The following DNAJB4 variants were observed in gnomAD, a reference collection of about 807,000 sequenced individuals.
DNAJB4 encodes dnaJ homolog subfamily B member 4.
DNAJB4 carries 10 observed loss-of-function variants against 26.6 expected under a neutral mutation model. The observed-to-expected ratio is 0.38, with a 90% CI of 0.23 to 0.64. DNAJB4 has a LOEUF of 0.64. DNAJB4 is among the 30% of genes least tolerant of loss of function. The pLI is 0.58. For missense variants in DNAJB4, 328 were observed against 408.2 expected (o/e 0.80, Z 1.69); for synonymous variants, 136 against 134.8 (o/e 1.01, Z -0.06).
chr1:78,003,323 A>T (rs1244125143), upstream of DNAJB4, among the ~76,000 whole-genome samples: 2 of 151,892 alleles, frequency 1.3e-5, no homozygotes, highest in African/African-American at 2.4e-5. Context: ...GGCTAAAAAA[A>T]TTGATAAATA....
chr1:77,999,130 A>G (rs1272780847), intron 1 of DNAJB4, among the ~76,000 whole-genome samples: 2 of 152,234 alleles, frequency 1.3e-5, no homozygotes, highest in Non-Finnish European at 1.5e-5. Context: ...GAGGTAAGAT[A>G]TAGTCCGTTA....
intron 1 of DNAJB4, among the ~76,000 whole-genome samples, chr1:77,994,676 A>G (rs1660020226): frequency 6.6e-6 from 1 of 151,922 alleles, no homozygotes. Context: ...GAGAAGAGAC[A>G]TTTTAGAAAA....
intron 1 of DNAJB4, among the ~76,000 whole-genome samples, chr1:77,993,956 A>G (rs1660001070): frequency 6.6e-6 from 1 of 152,176 alleles, no homozygotes; most frequent in Non-Finnish European, 1.5e-5. Flanking sequence ...TATTTATATA[A>G]ATGTTCTAAT....
Position 78,005,365 on chromosome 1 carries a change from CTTT to C in DNAJB4, c.211+54_211+56del, listed in dbSNP as rs72506830. 2.6e-5 allele frequency: 31 copies of C among 1,174,880 alleles called. No individual in the cohort carries two copies. The African/African-American group carries it at 4.9e-4, about 19-fold the overall frequency. The allele number at this position is 1,174,880 out of a possible 1,614,324, so 72.8% of individuals were successfully genotyped here. On this transcript the variant is annotated intron_variant, in intron 1 of 2. Coordinates refer to ENST00000370763, the MANE Select transcript of DNAJB4 (RefSeq NM_007034.5). Reference sequence around the variant, plus strand: ...TCTTTCTGTCTCTTCAGCTCTGTCTCTTTTTTTTTTTTCTCTCTCTCTGCCAGC... The same window carrying C: ...TCTTTCTGTCTCTTCAGCTCTGTCTCTTTTTTTTTCTCTCTCTCTGCCAGC...
upstream of DNAJB4, among the ~76,000 whole-genome samples, chr1:78,003,342 AC>A (rs145341974): frequency 0.027 from 4,115 of 152,046 alleles, 143 homozygotes; most frequent in African/African-American, 0.094. Flanking sequence ...TAGCTGACAA[AC>A]CTCTGTAACC....
At position 78,017,817 on chromosome 1, in the gene DNAJB4, G is replaced by A. The variant is rs1165919626; in HGVS notation, c.*1570G>A. On this transcript the variant is annotated 3_prime_UTR_variant, in exon 3 of 3. Transcript: ENST00000370763. ...CTTTCATTTAGCTTAATGTTTTCAA[G>A]GTTCATCTATGTTGTATCACGTATC... is the stretch of plus-strand genomic sequence containing the variant. The A allele has an allele frequency of 6.9e-6, 1 of 143,928 alleles. No individual in the cohort carries two copies. The highest frequency in any genetic ancestry group is 2.6e-5 in the African/African-American group (1 of 38,936). The allele number at this position is 143,928 out of a possible 1,614,324, so 8.9% of individuals were successfully genotyped here.
Position 78,013,579 on chromosome 1 carries a change from G to T in DNAJB4, c.740G>T (p.Gly247Val), listed in dbSNP as rs1266370447. The change falls in exon 2 of 3, where the codon GGA (glycine) becomes GTA (valine). Residue 247 changes from glycine to valine, a missense_variant. Coordinates refer to ENST00000370763, the MANE Select transcript of DNAJB4 (RefSeq NM_007034.5). ...GATCATCCAAAATTTAAAAGGGATG[G>T]ATCAAATATAATTTATACTGCTAAA... Reference protein sequence around the residue: ...DKDHPKFKRDGSNIIYTAKIS... With the variant: ...DKDHPKFKRDVSNIIYTAKIS... 6.2e-7 allele frequency: 1 copy of T among 1,605,178 alleles called. No individual in the cohort carries two copies. Among genetic ancestry groups the T allele is most frequent in the Non-Finnish European group, 8.5e-7 (1 of 1,178,398 alleles).
At chr1:78,006,121 C>T (rs1228560056) in intron 1 of DNAJB4, among the ~76,000 whole-genome samples, 3 of 152,286 alleles carry the variant, frequency 2.0e-5, no homozygotes, top group Admixed American at 2.0e-4. Context: ...AACATGACAA[C>T]TTCCCTTTCC....
chr1:78,006,068 AACATTATTT>A, intron 1 of DNAJB4, among the ~76,000 whole-genome samples: 1 of 152,232 alleles, frequency 6.6e-6, no homozygotes, highest in East Asian at 1.9e-4. Context: ...ACTTTTAGAT[AACATTATTT>A]ATTTAGAAAT....
chr1:77,988,791 A>T (rs1042959883), intron 1 of DNAJB4, among the ~76,000 whole-genome samples: 2 of 152,162 alleles, frequency 1.3e-5, no homozygotes, highest in Admixed American at 1.3e-4. Flanking sequence ...GTATTTAAAA[A>T]TTTTTATTGT....
chr1:78,002,488 T>C (rs2102602558), upstream of DNAJB4, among the ~76,000 whole-genome samples: 1 of 152,358 alleles, frequency 6.6e-6, no homozygotes, highest in African/African-American at 2.4e-5. Context: ...CCCTATTTCA[T>C]CTATTTGCAA....
chr1:77,985,891 A>G (rs1659779784), intron 1 of DNAJB4, among the ~76,000 whole-genome samples: 1 of 152,148 alleles, frequency 6.6e-6, no homozygotes. Context: ...TGTCTTGAGC[A>G]TGCTAGTGAG....
At chr1:78,006,933 A>G (rs932876363) in intron 1 of DNAJB4, among the ~76,000 whole-genome samples, 2 of 152,220 alleles carry the variant, frequency 1.3e-5, no homozygotes, top group Non-Finnish European at 2.9e-5. Flanking sequence ...ATATTTTGCA[A>G]CAATTCACTG....
At chr1:78,010,480 G>T (rs1660439310) in intron 1 of DNAJB4, among the ~76,000 whole-genome samples, 1 of 152,024 alleles carries the variant, frequency 6.6e-6, no homozygotes, top group South Asian at 2.1e-4. Flanking sequence ...CTTATGAAAA[G>T]ATCTTGTCCT....
At chr1:78,000,537 T>C (rs1381210781), upstream of DNAJB4, among the ~76,000 whole-genome samples, 1 of 152,214 alleles carries the variant, frequency 6.6e-6, no homozygotes. Context: ...GGGTGTCACC[T>C]CGGCAAATAT....
chr1:78,007,307 C>T (rs1048555979), intron 1 of DNAJB4, among the ~76,000 whole-genome samples: 10 of 152,094 alleles, frequency 6.6e-5, no homozygotes, highest in Admixed American at 1.3e-4. Flanking sequence ...ATGGGCCAGG[C>T]GCCGTGGCTC....
upstream of DNAJB4, among the ~76,000 whole-genome samples, chr1:78,003,503 A>C (rs1036384512): frequency 5.3e-5 from 8 of 152,298 alleles, no homozygotes; most frequent in African/African-American, 1.9e-4. Flanking sequence ...TGGCATATAG[A>C]GTAGGCGTTC....
At position 78,017,764 on chromosome 1, in the gene DNAJB4, A is replaced by G. The variant is rs1660679194; in HGVS notation, c.*1517A>G. Reference sequence around the variant, plus strand: ...TCACATAAATAGACTCAAACAATATATGGCTTTTTTTTTTTTTGGTCTGGC... The same window carrying G: ...TCACATAAATAGACTCAAACAATATGTGGCTTTTTTTTTTTTTGGTCTGGC... On this transcript the variant is annotated 3_prime_UTR_variant, in exon 3 of 3. Transcript: ENST00000370763. 1.1e-5 allele frequency: 1 copy of G among 94,330 alleles called. No individual in the cohort carries two copies. The highest frequency in any genetic ancestry group is 4.3e-5 in the African/African-American group (1 of 23,442). 5.8% of individuals were successfully genotyped at this position (94,330 alleles called of 1,614,324 possible).
intron 1 of DNAJB4, among the ~76,000 whole-genome samples, chr1:77,989,671 C>A (rs755035728): frequency 2.0e-5 from 3 of 152,180 alleles, no homozygotes; most frequent in Non-Finnish European, 2.9e-5. Flanking sequence ...CTGTATCCCT[C>A]ATGAAATAGC....
Sources: allele counts gnomAD v4.1 joint callset (sites outside exome capture counted in the v4.1 genomes callset), GRCh38; gene constraint gnomAD v4.1.1; transcripts MANE v1.5; gene names NCBI Gene and HGNC (gene_info 2026-07-23, HGNC 2026-07-21).